ZFPM2: variants seen among roughly 807,000 people sequenced by gnomAD.
ZFPM2 encodes the protein zinc finger protein ZFPM2.
Under a neutral mutation model 98.6 loss-of-function variants are expected in ZFPM2, and 20 were observed. The ratio of observed to expected loss-of-function variants is 0.20; its 90% CI spans 0.14 to 0.29. ZFPM2 has a LOEUF of 0.29. Among genes scored for constraint, ZFPM2 ranks in the 10% least tolerant of loss-of-function variants. The pLI is 1.00. For synonymous variants in ZFPM2, 518 were observed against 502.7 expected (o/e 1.03, Z -0.41); for missense variants, 1,310 against 1,388.6 (o/e 0.94, Z 0.90).
rs1815020079 is a variant in ZFPM2, at chr8:105,557,289, T to C, written c.302-4074T>C. ...ATTACCATATACAAGGTGGTTTTAA[T>C]TACTGAATAAATGCCAAGACCTTGC... On this transcript the variant is annotated intron_variant, in intron 3 of 7. Transcript: ENST00000407775. Among the ~76,000 whole-genome samples the C allele has an allele frequency of 2.6e-5, 4 of 152,178 alleles. No homozygotes were observed. The South Asian group carries it at 8.3e-4, about 32-fold the overall frequency.
rs949912458 is a variant in ZFPM2, at chr8:105,593,255, C to G, written c.420+31774C>G. Reference sequence around the variant, plus strand: ...CAGGAATGTATTGGAATGGTTAATTCTAGTAATGGAGAAAAGAATTACCAA... The same window carrying G: ...CAGGAATGTATTGGAATGGTTAATTGTAGTAATGGAGAAAAGAATTACCAA... On this transcript the variant is annotated intron_variant, in intron 4 of 7. Transcript: ENST00000407775. Among the ~76,000 whole-genome samples the G allele has an allele frequency of 5.3e-5, 8 of 151,920 alleles. 1 individual carries two copies. Among genetic ancestry groups the G allele is most frequent in the South Asian group, 4.1e-4 (2 of 4,820 alleles).
At chr8:105,477,922 A>G (rs1265092246) in intron 3 of ZFPM2, among the ~76,000 whole-genome samples, 1 of 152,180 alleles carries the variant, frequency 6.6e-6, no homozygotes, top group Admixed American at 6.5e-5. Context: ...TCTGCTTCAG[A>G]TCACTCAGGA....
At chr8:105,707,436 A>G (rs1440029940) in intron 5 of ZFPM2, among the ~76,000 whole-genome samples, 1 of 152,118 alleles carries the variant, frequency 6.6e-6, no homozygotes, top group Admixed American at 6.5e-5. Flanking sequence ...ATACTAGGAA[A>G]CATATCTAAT....
At chr8:105,767,351 A>G (rs1812877035) in intron 5 of ZFPM2, among the ~76,000 whole-genome samples, 1 of 151,950 alleles carries the variant, frequency 6.6e-6, no homozygotes. Flanking sequence ...GAATTTTAAA[A>G]GGCACAGAAA....
chr8:105,421,750 T>G (rs1173557666), intron 2 of ZFPM2, among the ~76,000 whole-genome samples: 1 of 152,144 alleles, frequency 6.6e-6, no homozygotes, highest in Admixed American at 6.5e-5. Context: ...GAGGACAGAT[T>G]AGCAATTAAA....
rs566809446 is a variant in ZFPM2, at chr8:105,507,594, T to A, written c.302-53769T>A. Reference sequence around the variant, plus strand: ...ACACATTATAAACTGTAAAGAGCAATATGAATGTCATGTGCCCTTAGGCAC... The same window carrying A: ...ACACATTATAAACTGTAAAGAGCAAAATGAATGTCATGTGCCCTTAGGCAC... On this transcript the variant is annotated intron_variant, in intron 3 of 7. Transcript: ENST00000407775. Among the ~76,000 whole-genome samples, 13 of 152,298 alleles carry A rather than the reference T, an allele frequency of 8.5e-5. No individual in the cohort carries two copies. The South Asian group carries it at 2.7e-3, about 32-fold the overall frequency.
intron 1 of ZFPM2, among the ~76,000 whole-genome samples, chr8:105,411,072 C>T (rs1208733784): frequency 6.6e-6 from 1 of 151,800 alleles, no homozygotes; most frequent in Non-Finnish European, 1.5e-5. Context: ...TAATTTGACA[C>T]TGTGTCTAGA....
chr8:105,792,385 T>C (rs926702437), intron 6 of ZFPM2, among the ~76,000 whole-genome samples: 1 of 152,216 alleles, frequency 6.6e-6, no homozygotes, highest in Non-Finnish European at 1.5e-5. Context: ...TCAGTTTCCA[T>C]GTAGTTGAGC....
intron 4 of ZFPM2, among the ~76,000 whole-genome samples, chr8:105,580,438 G>A (rs1209143738): frequency 6.6e-6 from 1 of 151,984 alleles, no homozygotes; most frequent in Admixed American, 6.6e-5. Flanking sequence ...AAATGTAGTT[G>A]CATCATAAAT....
At chr8:105,459,637 A>T (rs1812666667) in intron 3 of ZFPM2, among the ~76,000 whole-genome samples, 1 of 152,056 alleles carries the variant, frequency 6.6e-6, no homozygotes, top group African/African-American at 2.4e-5. Context: ...TAGCTTCCAG[A>T]TGGCTGTCTT....
chr8:105,641,629 C>T (rs1244100938), intron 5 of ZFPM2, among the ~76,000 whole-genome samples: 2 of 152,036 alleles, frequency 1.3e-5, no homozygotes, highest in African/African-American at 2.4e-5. Flanking sequence ...ATTTCCATTT[C>T]TTACTATGCA....
At position 105,679,475 on chromosome 8, in the gene ZFPM2, A is replaced by G. The variant is rs554533020; in HGVS notation, c.532+45118A>G. 1.7e-3 allele frequency among the ~76,000 whole-genome samples: 255 copies of G among 152,322 alleles called. 1 individual carries two copies. Among genetic ancestry groups the G allele is most frequent in the Non-Finnish European group, 2.7e-3 (185 of 68,014 alleles). ...GCAATGTGCTTAACAAAGTCACTCAATTTGGAGCTTGAAGACGAGCTTTCA... is the reference window on the plus strand; with the variant it reads ...GCAATGTGCTTAACAAAGTCACTCAGTTTGGAGCTTGAAGACGAGCTTTCA... On this transcript the variant is annotated intron_variant, in intron 5 of 7. Coordinates refer to ENST00000407775, the MANE Select transcript of ZFPM2 (RefSeq NM_012082.4).
intron 6 of ZFPM2, among the ~76,000 whole-genome samples, chr8:105,796,501 G>T (rs1388740484): frequency 1.3e-5 from 2 of 152,158 alleles, no homozygotes; most frequent in Non-Finnish European, 2.9e-5. Context: ...ATAAACAGTA[G>T]TAGCATATAA....
At chr8:105,444,193 T>C in intron 2 of ZFPM2, 87 bp from the exon 3 acceptor site, 1 of 993,954 alleles carries the variant, frequency 1.0e-6, no homozygotes, top group Non-Finnish European at 1.6e-6. Flanking sequence ...ATTAGATATA[T>C]GATAAGGACA....
intron 3 of ZFPM2, among the ~76,000 whole-genome samples, chr8:105,489,475 T>G (rs868775712): frequency 9.9e-5 from 14 of 141,962 alleles, no homozygotes; most frequent in Middle Eastern, 7.4e-3. Context: ...TATTTTTTTT[T>G]TTTTTTGAGA....
intron 3 of ZFPM2, among the ~76,000 whole-genome samples, chr8:105,530,770 A>G (rs1363538146): frequency 6.6e-6 from 1 of 152,152 alleles, no homozygotes; most frequent in Non-Finnish European, 1.5e-5. Flanking sequence ...ATTTTGGAGG[A>G]GACACAATTC....
At chr8:105,792,179 G>A (rs1813635401) in intron 6 of ZFPM2, among the ~76,000 whole-genome samples, 2 of 152,264 alleles carry the variant, frequency 1.3e-5, no homozygotes, top group South Asian at 2.1e-4. Context: ...TAATTGTGAT[G>A]TTAGAGTGTC....
intron 3 of ZFPM2, among the ~76,000 whole-genome samples, chr8:105,449,960 A>C (rs1169651194): frequency 3.3e-5 from 5 of 152,138 alleles, no homozygotes; most frequent in Admixed American, 2.6e-4. Flanking sequence ...TTTGCAATGT[A>C]AAAGTCATCG....
At chr8:105,726,270 T>A (rs1811804090) in intron 5 of ZFPM2, among the ~76,000 whole-genome samples, 1 of 151,748 alleles carries the variant, frequency 6.6e-6, no homozygotes, top group Non-Finnish European at 1.5e-5. Flanking sequence ...CTATTTTAAT[T>A]TTTTACTGTT....
Sources: gnomAD v4.1 joint callset for allele counts (sites outside exome capture counted in the v4.1 genomes callset) on GRCh38, gnomAD v4.1.1 for gene constraint, MANE v1.5 for transcripts, NCBI Gene and HGNC (gene_info 2026-07-23, HGNC 2026-07-21) for gene names.